Variants in BIRC6 observed in about 807,000 individuals in gnomAD.
The protein encoded by BIRC6 is dual E2 ubiquitin-conjugating enzyme/E3 ubiquitin-protein ligase BIRC6.
A neutral mutation model predicts 503.3 loss-of-function variants in BIRC6; 98 were observed. The ratio of observed to expected loss-of-function variants is 0.19; its 90% CI spans 0.17 to 0.23. BIRC6 has a LOEUF of 0.23. Among genes scored for constraint, BIRC6 ranks in the 10% least tolerant of loss-of-function variants. The probability of loss-of-function intolerance (pLI) is 1.00; values close to 1 mark genes in which losing one functional copy is unlikely to be tolerated. For synonymous variants in BIRC6, 2,240 were observed against 2,078.7 expected, an observed-to-expected ratio of 1.08 and a Z score of -2.11; for missense variants, 5,360 against 5,806.0, an observed-to-expected ratio of 0.92 and a Z score of 2.50.
chr2:32,482,687 G>A (rs927515866), intron 39 of BIRC6, 105 bp downstream of exon 39: 6 of 1,238,950 alleles, frequency 4.8e-6, no homozygotes, highest in Non-Finnish European at 6.8e-6. Context: ...TATGCCAGTG[G>A]GTTTAGTATC....
intron 61 of BIRC6, among the ~76,000 whole-genome samples, chr2:32,536,742 T>C (rs576234358): frequency 6.6e-6 from 1 of 152,222 alleles, no homozygotes; most frequent in Non-Finnish European, 1.5e-5. Flanking sequence ...GGTAGCGTGA[T>C]GTCTCCAGCT....
At chr2:32,457,729 AG>A (rs1428808738) in intron 23 of BIRC6, among the ~76,000 whole-genome samples, 1 of 151,966 alleles carries the variant, frequency 6.6e-6, no homozygotes, top group Admixed American at 6.6e-5. Context: ...GATGTTTCTT[AG>A]GTCTGAAAAA....
chr2:32,609,358 AGAATT>A (rs2062698060), intron 72 of BIRC6, among the ~76,000 whole-genome samples: 1 of 151,902 alleles, frequency 6.6e-6, no homozygotes, highest in Admixed American at 6.6e-5. Flanking sequence ...ATACCTAAAT[AGAATT>A]ATACTTTTCA....
At chr2:32,517,891 A>G (rs965034426) in intron 55 of BIRC6, among the ~76,000 whole-genome samples, 2 of 152,140 alleles carry the variant, frequency 1.3e-5, no homozygotes, top group African/African-American at 4.8e-5. Flanking sequence ...TATTTTTAAT[A>G]TGCTTTTTCT....
intron 8 of BIRC6, among the ~76,000 whole-genome samples, chr2:32,404,357 G>T (rs555550014): frequency 6.6e-6 from 1 of 150,782 alleles, no homozygotes; most frequent in Non-Finnish European, 1.5e-5. Flanking sequence ...TTGCTCTGTC[G>T]CCCATGCTGG....
chr2:32,569,672 AT>A (rs530518111), intron 65 of BIRC6, among the ~76,000 whole-genome samples: 3,372 of 137,384 alleles, frequency 0.025, 62 homozygotes, highest in African/African-American at 0.062. Flanking sequence ...ACACTTGTTC[AT>A]TTTTTTTTTT....
intron 45 of BIRC6, among the ~76,000 whole-genome samples, chr2:32,497,831 C>T (rs1247734339): frequency 1.3e-5 from 2 of 151,898 alleles, no homozygotes; most frequent in Non-Finnish European, 2.9e-5. Context: ...TGATTTTAGA[C>T]CTTTCTTTTC....
chr2:32,604,233 A>G (rs1451124530), intron 71 of BIRC6, among the ~76,000 whole-genome samples: 3 of 152,212 alleles, frequency 2.0e-5, no homozygotes, highest in African/African-American at 2.4e-5. Flanking sequence ...TGTGATCCCT[A>G]TGACTTCAAA....
At chr2:32,445,396 C>T in intron 20 of BIRC6, 125 bp from the exon 21 acceptor site, 1 of 982,388 alleles carries the variant, frequency 1.0e-6, no homozygotes, top group Non-Finnish European at 1.4e-6. Context: ...ATAAGATTGT[C>T]TTTCCAGAAA....
Position 32,381,743 on chromosome 2 carries a change from A to G in BIRC6, c.645+1453A>G, listed in dbSNP as rs571619598. Among the ~76,000 whole-genome samples, 5 of 152,028 alleles carry G rather than the reference A, an allele frequency of 3.3e-5. No homozygotes were observed. In the South Asian group the frequency reaches 1.0e-3, roughly 32 times the overall value. ...GTATTTTTAGTAGAAATTGGGTTTC[A>G]CTATGTTGGCCAGGCTTGTCTTGAG... is the stretch of plus-strand genomic sequence containing the variant. On this transcript the variant is annotated intron_variant, in intron 3 of 73. Transcript: ENST00000421745.
chr2:32,594,925 T>G lies in BIRC6; in HGVS notation c.13502-109T>G, dbSNP rs1320288901. ...AGATAATTGTGAAGAAGTTGACAAT[T>G]TTTTGGAATTCACAATTTGAACTCT... On this transcript the variant is annotated intron_variant, in intron 67 of 73. Coordinates refer to ENST00000421745, the MANE Select transcript of BIRC6 (RefSeq NM_016252.4). The G allele has an allele frequency of 4.9e-6, 3 of 617,106 alleles. No individual in the cohort carries two copies. The African/African-American group carries it at 5.8e-5, about 12-fold the overall frequency. The allele number at this position is 617,106 out of a possible 1,614,324, so 38.2% of individuals were successfully genotyped here.
chr2:32,581,832 A>G (rs558443086), intron 66 of BIRC6, among the ~76,000 whole-genome samples: 2 of 152,292 alleles, frequency 1.3e-5, no homozygotes, highest in South Asian at 2.1e-4. Flanking sequence ...TTGTGCAACA[A>G]TGGAAAAGAA....
At chr2:32,481,582 T>C (rs150414043) in intron 38 of BIRC6, 129 bp downstream of exon 38, 7 of 676,262 alleles carry the variant, frequency 1.0e-5, no homozygotes, top group African/African-American at 1.9e-5. Context: ...CTGGCCAACA[T>C]AGTGAAATCC....
intron 62 of BIRC6, among the ~76,000 whole-genome samples, chr2:32,544,825 A>G (rs2057941439): frequency 6.6e-6 from 1 of 151,980 alleles, no homozygotes; most frequent in South Asian, 2.1e-4. Flanking sequence ...TTCAGGTGTC[A>G]ACTGTATTTA....
intron 22 of BIRC6, among the ~76,000 whole-genome samples, chr2:32,452,312 T>G (rs2046812579): frequency 6.6e-6 from 1 of 152,140 alleles, no homozygotes; most frequent in East Asian, 1.9e-4. Context: ...ATTATTTTTT[T>G]CTTCAGAAAA....
chr2:32,450,217 GC>G (rs1276588829), intron 22 of BIRC6, among the ~76,000 whole-genome samples: 1 of 152,164 alleles, frequency 6.6e-6, no homozygotes, highest in Admixed American at 6.5e-5. Context: ...GGTGGCTCAC[GC>G]CTGTAATCCC....
At chr2:32,376,185 C>CAA (rs35262687) in intron 1 of BIRC6, among the ~76,000 whole-genome samples, 27 of 106,056 alleles carry the variant, frequency 2.5e-4, no homozygotes, top group Admixed American at 5.9e-4. Flanking sequence ...GACTCGGTCT[C>CAA]AAAAAAAAAA....
chr2:32,416,943 C>T (rs1035713217), intron 10 of BIRC6, among the ~76,000 whole-genome samples: 1 of 152,060 alleles, frequency 6.6e-6, no homozygotes, highest in Non-Finnish European at 1.5e-5. Context: ...TCAAGCAATT[C>T]TCCTGCCTCA....
chr2:32,391,727 A>G (rs955639164), intron 4 of BIRC6, among the ~76,000 whole-genome samples: 1 of 152,218 alleles, frequency 6.6e-6, no homozygotes, highest in East Asian at 1.9e-4. Flanking sequence ...CCTTTAAAAA[A>G]TTACTCTGGT....
Sources: allele counts gnomAD v4.1 joint callset (sites outside exome capture counted in the v4.1 genomes callset), GRCh38; gene constraint gnomAD v4.1.1; transcripts MANE v1.5; gene names NCBI Gene and HGNC (gene_info 2026-07-23, HGNC 2026-07-21).